MRPL9: variants seen among roughly 807,000 people sequenced by gnomAD.
The protein encoded by MRPL9 is large ribosomal subunit protein bL9m.
In MRPL9, 25 loss-of-function variants were observed where a neutral mutation model predicts 27.6. That is an observed-to-expected ratio of 0.91 (90% CI 0.66 to 1.27). The LOEUF (loss-of-function observed/expected upper bound fraction) is 1.27, where lower values mean the gene tolerates loss of function less well. Among genes scored for constraint, MRPL9 ranks in the 50% most tolerant of loss-of-function variants. MRPL9 has a pLI of 0.00. For synonymous variants in MRPL9, 154 were observed against 139.0 expected, an observed-to-expected ratio of 1.11 and a Z score of -0.76; for missense variants, 362 against 338.0, an observed-to-expected ratio of 1.07 and a Z score of -0.56.
At position 151,763,441 on chromosome 1, in the gene MRPL9, C is replaced by T; in HGVS notation, c.39G>A (p.Leu13=). 6.4e-7 allele frequency: 1 copy of T among 1,571,384 alleles called. No homozygotes were observed. The highest frequency in any genetic ancestry group is 1.2e-5 in the South Asian group (1 of 86,058). Residue 13 remains leucine, a synonymous_variant, in exon 1 of 7, where the codon CTG becomes CTA. Coordinates refer to ENST00000368830, the MANE Select transcript of MRPL9 (RefSeq NM_031420.4). ...GCAGCCGTCCAGCGCCCGCCCGCAG[C>T]AGAGCTCTGCCCGGGGCCGTGACAA... ...APVVTAPGRA[L]LRAGAGRLLR...
chr1:151,763,199 C>T, intron 1 of MRPL9, 53 bp from the exon 2 acceptor site: 2 of 1,579,276 alleles, frequency 1.3e-6, no homozygotes, highest in African/African-American at 1.4e-5. Flanking sequence ...ACACCCTCTC[C>T]CTCCACCACG....
chr1:151,762,798 TTA>T, intron 2 of MRPL9, 190 bp downstream of exon 2: 1 of 769,634 alleles, frequency 1.3e-6, no homozygotes, highest in Non-Finnish European at 2.1e-6. Flanking sequence ...GTTGCTGCCT[TTA>T]TGTTTTAATT....
rs1648212361 is a variant in MRPL9, at chr1:151,763,384, C to T, written c.96G>A (p.Pro32=). 6.4e-7 allele frequency: 1 copy of T among 1,569,206 alleles called. No individual in the cohort carries two copies. Among genetic ancestry groups the T allele is most frequent in the South Asian group, 1.2e-5 (1 of 85,854 alleles). The change falls in exon 1 of 7, where the codon CCG becomes CCA. Residue 32 remains proline, a synonymous_variant. Coordinates refer to ENST00000368830, the MANE Select transcript of MRPL9 (RefSeq NM_031420.4). The part of the protein sequence containing the change: ...LRGGVQELLR[P]RHEGNAPDLA... ...GGTCAGGGGCGTTCCCTTCATGTCG[C>T]GGCCGCAGTAGCTCCTGGACGCCTC...
rs755031728 is a variant in MRPL9, at chr1:151,760,903, C to CA, written c.589-5dup. 0.1 allele frequency: 96,598 copies of CA among 932,562 alleles called. 592 individuals are homozygous for CA. Among genetic ancestry groups the CA allele is most frequent in the South Asian group, 0.13 (5,673 of 44,722 alleles). The allele number at this position is 932,562 out of a possible 1,614,324, so 57.8% of individuals were successfully genotyped here. On this transcript the variant is annotated splice_polypyrimidine_tract_variant and splice_region_variant and intron_variant, in intron 5 of 6. Coordinates refer to ENST00000368830, the MANE Select transcript of MRPL9 (RefSeq NM_031420.4). ...GTGGGGCAACCACAACACCAAGCTG[C>CA]AAAAAAAAAAAAAAAAAAAAAAATC...
chr1:151,761,916 G>A, intron 4 of MRPL9, 189 bp downstream of exon 4: 2 of 623,238 alleles, frequency 3.2e-6, no homozygotes, highest in Non-Finnish European at 2.8e-6. Flanking sequence ...GGTACTTTAA[G>A]GCACTTCACC....
At chr1:151,760,224 A>G (rs10888433) in intron 6 of MRPL9, 43 bp from the exon 7 acceptor site, 780,769 of 1,611,054 alleles carry the variant, frequency 0.48, 192,114 homozygotes, top group African/African-American at 0.65. Context: ...CAGTCAGGTA[A>G]GTAAGATTTA....
At position 151,761,530 on chromosome 1, in the gene MRPL9, C is replaced by T. The variant is rs2101541503; in HGVS notation, c.509G>A (p.Cys170Tyr). The T allele has an allele frequency of 3.7e-6, 6 of 1,613,618 alleles. No homozygotes were observed. The South Asian group carries it at 6.6e-5, about 18-fold the overall frequency. Residue 170 changes from cysteine to tyrosine, a missense_variant, in exon 5 of 7, where the codon TGT becomes TAT. Physicochemically the swap from Cys to Tyr is radical, Grantham distance 194. Coordinates refer to ENST00000368830, the MANE Select transcript of MRPL9 (RefSeq NM_031420.4). ...GTTCTTCATCCCTACCTCCAGGCGACAGCTTTTTAGAAATTTCACTGTCTG... is the reference window on the plus strand; with the variant it reads ...GTTCTTCATCCCTACCTCCAGGCGATAGCTTTTTAGAAATTTCACTGTCTG... The part of the protein sequence containing the change: ...GEATVKFLKS[C>Y]RLEVGMKNNV...
chr1:151,762,488 C>A lies in MRPL9; in HGVS notation c.323G>T (p.Arg108Leu), dbSNP rs772538830. The A allele has an allele frequency of 1.9e-6, 3 of 1,613,844 alleles. No individual in the cohort carries two copies. Among genetic ancestry groups the A allele is most frequent in the Non-Finnish European group, 2.5e-6 (3 of 1,179,924 alleles). The change falls in exon 3 of 7, where the codon CGG becomes CTG. Residue 108 changes from arginine to leucine, a missense_variant. By Grantham distance (102) the Arg-to-Leu change is moderately radical (BLOSUM62 -2). Transcript: ENST00000368830. ...LTQSVENVGV[R>L]GDLVSVKKSL... is the part of the protein sequence containing the mutation. The stretch of plus-strand genomic sequence containing the variant: ...TTTCTTCACTGAGACCAGGTCACCC[C>A]GGACTCCAACATCTGTCAATTAGAA...
intron 1 of MRPL9, 66 bp downstream of exon 1, chr1:151,763,261 G>T (rs1187097363): frequency 1.3e-6 from 2 of 1,541,596 alleles, no homozygotes; most frequent in African/African-American, 2.7e-5. Context: ...CCCCCTCCAG[G>T]TCCCAGTGCG....
Position 151,763,392 on chromosome 1 carries a change from G to A in MRPL9, c.88C>T (p.Leu30=), listed in dbSNP as rs745359125. Residue 30 remains leucine (L), a synonymous_variant, in exon 1 of 7, where the codon CTG becomes TTG. Transcript: ENST00000368830. ...RLLRGGVQEL[L]RPRHEGNAPD... Reference sequence around the variant, plus strand: ...GCGTTCCCTTCATGTCGCGGCCGCAGTAGCTCCTGGACGCCTCCCCGAAGC... The same window carrying A: ...GCGTTCCCTTCATGTCGCGGCCGCAATAGCTCCTGGACGCCTCCCCGAAGC... 6.4e-7 allele frequency: 1 copy of A among 1,566,950 alleles called. No homozygotes were observed.
rs962999404 is a variant in MRPL9, at chr1:151,761,517, T to C, written c.522A>G (p.Val174=). The change falls in exon 5 of 7, where the codon GTA becomes GTG. Residue 174 remains valine (V), a synonymous_variant. Transcript: ENST00000368830. Reference sequence around the variant, plus strand: ...CCCATTTGACATTGTTCTTCATCCCTACCTCCAGGCGACAGCTTTTTAGAA... The same window carrying C: ...CCCATTTGACATTGTTCTTCATCCCCACCTCCAGGCGACAGCTTTTTAGAA... ...VKFLKSCRLE[V]GMKNNVKWEL... 3 of 1,613,540 alleles carry C rather than the reference T, an allele frequency of 1.9e-6. No individual in the cohort carries two copies. Among genetic ancestry groups the C allele is most frequent in the Non-Finnish European group, 1.7e-6 (2 of 1,179,600 alleles).
chr1:151,760,970 G>A, intron 5 of MRPL9, 71 bp from the exon 6 acceptor site: 5 of 1,375,082 alleles, frequency 3.6e-6, no homozygotes, highest in Non-Finnish European at 3.9e-6. Context: ...CCACTCTAGG[G>A]AACCTCATAA....
At position 151,762,099 on chromosome 1, in the gene MRPL9, A is replaced by G. The variant is rs1648111151; in HGVS notation, c.486+6T>C. 6.8e-6 allele frequency: 11 copies of G among 1,613,832 alleles called. No individual in the cohort carries two copies. The highest frequency in any genetic ancestry group is 8.5e-6 in the Non-Finnish European group (10 of 1,179,862). ...ACAAATAAACACTTTTTATGTTTCTACTCACCGCCTCACCTGCCTTGGTCT... is the reference window on the plus strand; with the variant it reads ...ACAAATAAACACTTTTTATGTTTCTGCTCACCGCCTCACCTGCCTTGGTCT... On this transcript the variant is annotated splice_donor_region_variant and intron_variant, in intron 4 of 6. Transcript: ENST00000368830.
chr1:151,759,824 A>C lies in MRPL9; in HGVS notation c.*226T>G. On this transcript the variant is annotated 3_prime_UTR_variant, in exon 7 of 7. Transcript: ENST00000368830. Reference sequence around the variant, plus strand: ...TTCGGTCTACTGCATCTAGCTTATCAAATCTACAGCCTGGTACTTCTGGAA... The same window carrying C: ...TTCGGTCTACTGCATCTAGCTTATCCAATCTACAGCCTGGTACTTCTGGAA... The C allele has an allele frequency of 2.0e-6, 1 of 511,702 alleles. No homozygotes were observed. The highest frequency in any genetic ancestry group is 2.0e-5 in the African/African-American group (1 of 50,486). The allele number at this position is 511,702 out of a possible 1,614,324, so 31.7% of individuals were successfully genotyped here.
Position 151,762,711 on chromosome 1 carries a change from G to A in MRPL9, c.311-211C>T. 4 of 649,890 alleles carry A rather than the reference G, an allele frequency of 6.2e-6. No individual in the cohort carries two copies. The South Asian group carries it at 6.5e-5, about 11-fold the overall frequency. 40.3% of individuals were successfully genotyped at this position (649,890 alleles called of 1,614,324 possible). ...AAATTTAATATCCCCTGTATAGAGG[G>A]AGTTGTCGTCCCATGGAGGATTTCA... On this transcript the variant is annotated intron_variant, in intron 2 of 6. Transcript: ENST00000368830.
intron 5 of MRPL9, 27 bp from the exon 6 acceptor site, chr1:151,760,926 A>AAAAAAAAAAAAAAAC: frequency 2.1e-6 from 3 of 1,419,296 alleles, no homozygotes; most frequent in East Asian, 2.3e-5. Context: ...AAAAAAAAAA[A>AAAAAAAAAAAAAAAC]TCTCAGCTCA....
In MRPL9 at chr1:151,760,903, C is replaced by T; in HGVS notation, c.589-4G>A. Reference sequence around the variant, plus strand: ...GTGGGGCAACCACAACACCAAGCTGCAAAAAAAAAAAAAAAAAAAAAAATC... The same window carrying T: ...GTGGGGCAACCACAACACCAAGCTGTAAAAAAAAAAAAAAAAAAAAAAATC... On this transcript the variant is annotated splice_region_variant and splice_polypyrimidine_tract_variant and intron_variant, in intron 5 of 6. Coordinates refer to ENST00000368830, the MANE Select transcript of MRPL9 (RefSeq NM_031420.4). 1 of 952,378 alleles carries T rather than the reference C, an allele frequency of 1.0e-6. No individual in the cohort carries two copies. Among genetic ancestry groups the T allele is most frequent in the South Asian group, 2.2e-5 (1 of 45,454 alleles). The allele number at this position is 952,378 out of a possible 1,614,324, so 59.0% of individuals were successfully genotyped here.
chr1:151,762,937 G>A, intron 2 of MRPL9, 53 bp downstream of exon 2: 1 of 1,586,258 alleles, frequency 6.3e-7, no homozygotes, highest in Non-Finnish European at 8.6e-7. Context: ...GCTAGAAAAA[G>A]CTGATGCCAA....
intron 4 of MRPL9, 123 bp downstream of exon 4, chr1:151,761,982 A>G (rs1648105433): frequency 1.0e-6 from 1 of 984,044 alleles, no homozygotes; most frequent in Non-Finnish European, 1.6e-6. Context: ...GGGCAGCCAC[A>G]ACACTTCCCC....
Sources: gnomAD v4.1 joint callset for allele counts on GRCh38, gnomAD v4.1.1 for gene constraint, MANE v1.5 for transcripts, NCBI Gene and HGNC (gene_info 2026-07-23, HGNC 2026-07-21) for gene names.